The following YTHDC1 variants were observed in gnomAD, a reference collection of about 807,000 sequenced individuals.
YTHDC1 encodes YTH N6-methyladenosine RNA binding protein C1.
Under a neutral mutation model 107.0 loss-of-function variants are expected in YTHDC1, and 12 were observed. That is an observed-to-expected ratio of 0.11 (90% CI 0.07 to 0.18). YTHDC1 has a LOEUF of 0.18. Ranked by LOEUF, YTHDC1 falls within the 10% of genes least tolerant of loss-of-function variation. YTHDC1 has a pLI of 1.00. For synonymous variants in YTHDC1, 280 were observed against 289.5 expected, an observed-to-expected ratio of 0.97 and a Z score of 0.33; for missense variants, 635 against 898.8, an observed-to-expected ratio of 0.71 and a Z score of 3.75.
chr4:68,337,165 C>T lies in YTHDC1; in HGVS notation c.745G>A (p.Glu249Lys), dbSNP rs763472870. ...EEEEEEEEEEEYEQDERDQKE... is the reference protein window; with the variant it reads ...EEEEEEEEEEKYEQDERDQKE... ...TGGTCTCTCTCATCCTGTTCATATT[C>T]TTCTTCTTCCTCCTCCTCCTCCTCC... The change falls in exon 4 of 17, where the codon GAA (glutamate) becomes AAA (lysine). Residue 249 changes from glutamate (E) to lysine (K), a missense_variant. Coordinates refer to ENST00000344157, the MANE Select transcript of YTHDC1 (RefSeq NM_001031732.4). 3 of 1,612,816 alleles carry T rather than the reference C, an allele frequency of 1.9e-6. No homozygotes were observed. The East Asian group carries it at 6.7e-5, about 36-fold the overall frequency.
Position 68,318,735 on chromosome 4 carries a change from G to A in YTHDC1, c.1722-6C>T. 6.2e-7 allele frequency: 1 copy of A among 1,614,018 alleles called. No homozygotes were observed. Among genetic ancestry groups the A allele is most frequent in the Non-Finnish European group, 8.5e-7 (1 of 1,179,990 alleles). ...GGCGAACTCCTGAAAATCGTCTGTT[G>A]GGAATAAGATTTGTGAAACTAAATT... is the stretch of plus-strand genomic sequence containing the variant. On this transcript the variant is annotated splice_region_variant and splice_polypyrimidine_tract_variant and intron_variant, in intron 13 of 16. Coordinates refer to ENST00000344157, the MANE Select transcript of YTHDC1 (RefSeq NM_001031732.4).
intron 1 of YTHDC1, among the ~76,000 whole-genome samples, chr4:68,343,322 C>A (rs1257308563): frequency 6.6e-6 from 1 of 151,394 alleles, no homozygotes; most frequent in African/African-American, 2.4e-5. Context: ...CCTCAGCCTC[C>A]CGAGTAGCTA....
At position 68,314,154 on chromosome 4, in the gene YTHDC1, T is replaced by G. The variant is rs1356307164; in HGVS notation, c.2129A>C (p.Glu710Ala). Residue 710 changes from glutamate (E) to alanine (A), a missense_variant, in exon 17 of 17, where the codon GAG becomes GCG. Coordinates refer to ENST00000344157, the MANE Select transcript of YTHDC1 (RefSeq NM_001031732.4). ...GTCTCTGTCTCGATCACATAATCGCTCTCTTTCTCTTTCTCTATCACGTCC... is the reference window on the plus strand; with the variant it reads ...GTCTCTGTCTCGATCACATAATCGCGCTCTTTCTCTTTCTCTATCACGTCC... Reference protein sequence around the residue: ...DRGRDRERERERLCDRDRDRG... With the variant: ...DRGRDRERERARLCDRDRDRG... The G allele has an allele frequency of 1.2e-6, 2 of 1,613,688 alleles. No individual in the cohort carries two copies. Among genetic ancestry groups the G allele is most frequent in the Non-Finnish European group, 1.7e-6 (2 of 1,179,876 alleles).
rs1376442118 is a variant in YTHDC1 at position 68,310,991 on chromosome 4, T to C, written c.*3108A>G. 1 of 152,220 alleles carries C rather than the reference T, an allele frequency of 6.6e-6. No individual in the cohort carries two copies. The highest frequency in any genetic ancestry group is 1.5e-5 in the Non-Finnish European group (1 of 68,042). The allele number at this position is 152,220 out of a possible 1,614,324, so 9.4% of individuals were successfully genotyped here. ...TGTTATAACTTGTATGAGATCCTGA[T>C]TTAATGGACATCTGCTAAATTTCCT... is the stretch of plus-strand genomic sequence containing the variant. On this transcript the variant is annotated 3_prime_UTR_variant, in exon 17 of 17. Coordinates refer to ENST00000344157, the MANE Select transcript of YTHDC1 (RefSeq NM_001031732.4).
At position 68,337,276 on chromosome 4, in the gene YTHDC1, C is replaced by T; in HGVS notation, c.634G>A (p.Asp212Asn). 2 of 1,611,820 alleles carry T rather than the reference C, an allele frequency of 1.2e-6. No individual in the cohort carries two copies. Among genetic ancestry groups the T allele is most frequent in the Non-Finnish European group, 1.7e-6 (2 of 1,178,444 alleles). Residue 212 changes from aspartate to asparagine, a missense_variant, in exon 4 of 17, where the codon GAT (aspartate) becomes AAT (asparagine). Transcript: ENST00000344157. ...EEGVEEDVEE[D>N]EEVEEDAEED... ...TCTGCATCTTCTTCTACTTCTTCAT[C>T]TTCCTCCACATCTTCTTCCACTCCT...
chr4:68,337,445 A>G lies in YTHDC1; in HGVS notation c.465T>C (p.Ile155=), dbSNP rs1295644374. ...TTGCACGTCTATCCACTTCAAGCCCAATTCTCTGATGTTTAAAGAAAAAGG... is the reference window on the plus strand; with the variant it reads ...TTGCACGTCTATCCACTTCAAGCCCGATTCTCTGATGTTTAAAGAAAAAGG... ...KSPTPDGSER[I]GLEVDRRASR... is the part of the protein sequence containing the mutation. The change falls in exon 4 of 17, where the codon ATT becomes ATC. Residue 155 remains isoleucine, a synonymous_variant. Transcript: ENST00000344157. The G allele has an allele frequency of 6.2e-7, 1 of 1,613,098 alleles. No homozygotes were observed. The highest frequency in any genetic ancestry group is 8.5e-7 in the Non-Finnish European group (1 of 1,179,418).
At chr4:68,347,414 C>T (rs1725571538) in intron 1 of YTHDC1, among the ~76,000 whole-genome samples, 1 of 152,166 alleles carries the variant, frequency 6.6e-6, no homozygotes, top group South Asian at 2.1e-4. Flanking sequence ...ATTATCACCA[C>T]AGGAATCACA....
At chr4:68,316,994 G>A (rs1721931577) in intron 15 of YTHDC1, among the ~76,000 whole-genome samples, 1 of 152,172 alleles carries the variant, frequency 6.6e-6, no homozygotes, top group African/African-American at 2.4e-5. Flanking sequence ...TGCTTTGGGA[G>A]GCTGAGGGAA....
chr4:68,322,342 C>T lies in YTHDC1; in HGVS notation c.1601+407G>A, dbSNP rs758882001. 2 of 159,908 alleles carry T rather than the reference C, an allele frequency of 1.3e-5. No homozygotes were observed. Among genetic ancestry groups the T allele is most frequent in the African/African-American group, 2.4e-5 (1 of 41,788 alleles). 9.9% of individuals were successfully genotyped at this position (159,908 alleles called of 1,614,324 possible). A position where few individuals can be genotyped will look rare whatever the true frequency, so the allele number is the denominator to read the frequency against. On this transcript the variant is annotated intron_variant, in intron 11 of 16. Coordinates refer to ENST00000344157, the MANE Select transcript of YTHDC1 (RefSeq NM_001031732.4). This position sits in a 1 kb window ranked among gnomAD's most constrained non-coding sequence, Gnocchi z 4.8. ...TATAAAAGTCCCATATCTGATAAGG[C>T]TTATCCAGAGACATACCTGAAAGAA...
At chr4:68,339,958 A>G (rs1158451818) in intron 1 of YTHDC1, among the ~76,000 whole-genome samples, 1 of 152,204 alleles carries the variant, frequency 6.6e-6, no homozygotes, top group Non-Finnish European at 1.5e-5. Flanking sequence ...TTTAAAATGT[A>G]CTAATGCTAA....
chr4:68,335,679 T>C (rs1724075971), intron 4 of YTHDC1, among the ~76,000 whole-genome samples: 1 of 152,120 alleles, frequency 6.6e-6, no homozygotes, highest in South Asian at 2.1e-4. Flanking sequence ...AGTGGTTTCA[T>C]ACATTCTCCA....
At chr4:68,345,108 C>T (rs1285684454) in intron 1 of YTHDC1, among the ~76,000 whole-genome samples, 1 of 152,176 alleles carries the variant, frequency 6.6e-6, no homozygotes, top group Non-Finnish European at 1.5e-5. Flanking sequence ...ACAAAGCTAG[C>T]TGTTTGTTGC....
chr4:68,323,057 C>T (rs1387699640), intron 10 of YTHDC1, 142 bp from the exon 11 acceptor site: 11 of 705,684 alleles, frequency 1.6e-5, no homozygotes, highest in Non-Finnish European at 2.4e-5. Context: ...ATAAGACTTC[C>T]AGATTTATAA....
chr4:68,336,099 A>C (rs910285185), intron 4 of YTHDC1, among the ~76,000 whole-genome samples: 2 of 149,370 alleles, frequency 1.3e-5, no homozygotes, highest in African/African-American at 4.9e-5. Flanking sequence ...CAACTGAAGT[A>C]CTTTTCTATA....
intron 16 of YTHDC1, among the ~76,000 whole-genome samples, chr4:68,315,197 T>C (rs1042708180): frequency 6.6e-6 from 1 of 152,224 alleles, no homozygotes; most frequent in Non-Finnish European, 1.5e-5. Context: ...TGTATATTTC[T>C]TTCTTGTGTG....
chr4:68,337,286 A>G lies in YTHDC1; in HGVS notation c.624T>C (p.Asp208=), dbSNP rs781241976. The G allele has an allele frequency of 6.2e-7, 1 of 1,610,578 alleles. No individual in the cohort carries two copies. Among genetic ancestry groups the G allele is most frequent in the African/African-American group, 1.4e-5 (1 of 74,026 alleles). Reference sequence around the variant, plus strand: ...CTTCTACTTCTTCATCTTCCTCCACATCTTCTTCCACTCCTTCCTCCTCAT... The same window carrying G: ...CTTCTACTTCTTCATCTTCCTCCACGTCTTCTTCCACTCCTTCCTCCTCAT... ...TENEEEGVEE[D]VEEDEEVEED... The change falls in exon 4 of 17, where the codon GAT becomes GAC. Residue 208 remains aspartate (D), a synonymous_variant. Transcript: ENST00000344157.
In YTHDC1 at chr4:68,337,577, A is replaced by G; in HGVS notation, c.454T>C (p.Ser152Pro). 1 of 1,605,894 alleles carries G rather than the reference A, an allele frequency of 6.2e-7. No homozygotes were observed. Among genetic ancestry groups the G allele is most frequent in the Non-Finnish European group, 8.5e-7 (1 of 1,177,762 alleles). Residue 152 changes from serine (S) to proline (P), a missense_variant, in exon 3 of 17, where the codon TCT becomes CCT. By Grantham distance (74) the Ser-to-Pro change is moderately conservative (BLOSUM62 -1). Transcript: ENST00000344157. ...TCTGCAATAATATTTACTACCTCAG[A>G]ACCATCTGGCGTAGGAGATTTGGCC... is the stretch of plus-strand genomic sequence containing the variant. Reference protein sequence around the residue: ...RRAKSPTPDGSERIGLEVDRR... With the variant: ...RRAKSPTPDGPERIGLEVDRR...
intron 1 of YTHDC1, among the ~76,000 whole-genome samples, chr4:68,342,817 C>A (rs996397624): frequency 6.6e-6 from 1 of 152,114 alleles, no homozygotes; most frequent in East Asian, 1.9e-4. Flanking sequence ...AGACTATAAT[C>A]ATCACTGGCA....
intron 1 of YTHDC1, among the ~76,000 whole-genome samples, chr4:68,348,734 TAAC>T (rs951562430): frequency 4.6e-5 from 7 of 152,088 alleles, no homozygotes; most frequent in Non-Finnish European, 2.9e-5. Flanking sequence ...AGAGCCCACT[TAAC>T]AACCCCCGAC....
Sources: gnomAD v4.1 joint callset for allele counts (sites outside exome capture counted in the v4.1 genomes callset) on GRCh38, gnomAD v4.1.1 for gene constraint, Gnocchi (gnomAD v3.1) non-coding constraint, MANE v1.5 for transcripts, NCBI Gene and HGNC (gene_info 2026-07-23, HGNC 2026-07-21) for gene names.